Variants in AASDH observed in about 807,000 individuals in gnomAD.
AASDH encodes the protein aminoadipate-semialdehyde dehydrogenase, also known as beta-alanine-activating enzyme.
Under a neutral mutation model 102.3 loss-of-function variants are expected in AASDH, and 81 were observed. That is an observed-to-expected ratio of 0.79 (90% CI 0.66 to 0.95). The LOEUF is 0.95. AASDH is among the 40% of genes least tolerant of loss of function. The probability of loss-of-function intolerance (pLI) is 0.00; values close to 1 mark genes in which losing one functional copy is unlikely to be tolerated. For missense variants in AASDH, 1,203 were observed against 1,266.2 expected, an observed-to-expected ratio of 0.95 and a Z score of 0.76; for synonymous variants, 398 against 454.0, an observed-to-expected ratio of 0.88 and a Z score of 1.57.
At chr4:56,355,466 C>A (rs761950531) in intron 5 of AASDH, 43 bp from the exon 6 acceptor site, 5 of 1,558,458 alleles carry the variant, frequency 3.2e-6, no homozygotes, top group South Asian at 1.2e-5. Flanking sequence ...TCCTTCACTT[C>A]TTTAAAAAGG....
intron 5 of AASDH, among the ~76,000 whole-genome samples, chr4:56,370,615 G>A (rs915220961): frequency 6.6e-6 from 1 of 152,082 alleles, no homozygotes; most frequent in African/African-American, 2.4e-5. Flanking sequence ...CCTCGTGAGA[G>A]ATCAAATCTC....
intron 1 of AASDH, among the ~76,000 whole-genome samples, chr4:56,384,912 A>G (rs1753378115): frequency 6.6e-6 from 1 of 152,062 alleles, no homozygotes; most frequent in Non-Finnish European, 1.5e-5. Flanking sequence ...TGTCTCTACT[A>G]AAAATACAAA....
intron 4 of AASDH, among the ~76,000 whole-genome samples, chr4:56,377,109 C>T (rs921715914): frequency 1.5e-5 from 2 of 132,088 alleles, no homozygotes; most frequent in Non-Finnish European, 1.6e-5. Context: ...ATAAAATTAA[C>T]TTCACTTGAT....
intron 14 of AASDH, among the ~76,000 whole-genome samples, chr4:56,340,701 C>T (rs1316883576): frequency 1.3e-5 from 2 of 152,270 alleles, no homozygotes; most frequent in East Asian, 1.9e-4. Flanking sequence ...AGCTAAAAAG[C>T]TTCTGCACAG....
rs771061806 is a variant in AASDH, at chr4:56,338,522, A to ACTT, written c.3174_3176dup (p.Gln1058_Ser1059insArg). 1.1e-5 allele frequency: 17 copies of ACTT among 1,613,920 alleles called. No individual in the cohort carries two copies. Among genetic ancestry groups the ACTT allele is most frequent in the East Asian group, 2.2e-5 (1 of 44,868 alleles). ...AGACTTCTCCAGGAAGTTCATAAAC[A>ACTT]CTTTGCAATTGTCCACTCTGAGATT... On this transcript the variant is annotated inframe_insertion, in exon 15 of 15. Coordinates refer to ENST00000205214, the MANE Select transcript of AASDH (RefSeq NM_181806.4).
At chr4:56,341,800 G>A (rs1747726848) in intron 14 of AASDH, among the ~76,000 whole-genome samples, 1 of 152,004 alleles carries the variant, frequency 6.6e-6, no homozygotes, top group African/African-American at 2.4e-5. Context: ...TGATCTCAGG[G>A]AGGAAGAAAA....
At chr4:56,345,817 C>T (rs778422063) in intron 11 of AASDH, among the ~76,000 whole-genome samples, 8 of 152,188 alleles carry the variant, frequency 5.3e-5, no homozygotes, top group Non-Finnish European at 1.0e-4. Context: ...ATGTGTCAGG[C>T]GTTATTCTAA....
At chr4:56,339,482 G>A (rs567658586) in intron 14 of AASDH, among the ~76,000 whole-genome samples, 10 of 152,268 alleles carry the variant, frequency 6.6e-5, no homozygotes, top group Non-Finnish European at 1.3e-4. Flanking sequence ...CAGGCGTGGT[G>A]TTTCATGCCT....
At chr4:56,350,947 A>G (rs1748926792) in intron 10 of AASDH, among the ~76,000 whole-genome samples, 1 of 152,210 alleles carries the variant, frequency 6.6e-6, no homozygotes, top group Non-Finnish European at 1.5e-5. Context: ...TGTTACTGAA[A>G]GTTCTTTTAG....
At chr4:56,339,250 T>G (rs1269554986) in intron 14 of AASDH, among the ~76,000 whole-genome samples, 1 of 151,982 alleles carries the variant, frequency 6.6e-6, no homozygotes, top group African/African-American at 2.4e-5. Flanking sequence ...GCTTGCCAGG[T>G]TGAAGCGCTT....
In AASDH at chr4:56,375,105, G is replaced by A. The variant is rs191997385; in HGVS notation, c.668+3043C>T. Among the ~76,000 whole-genome samples the A allele has an allele frequency of 2.6e-3, 393 of 151,162 alleles. 3 individuals are homozygous for A. Among genetic ancestry groups the A allele is most frequent in the African/African-American group, 9.1e-3 (376 of 41,122 alleles). ...TTTTTTTTTTTTAAGACAGAGTCTC[G>A]CTCTGTCACCCAAGCTGGAGTGCAG... On this transcript the variant is annotated intron_variant, in intron 4 of 14. Coordinates refer to ENST00000205214, the MANE Select transcript of AASDH (RefSeq NM_181806.4).
intron 4 of AASDH, among the ~76,000 whole-genome samples, chr4:56,373,531 G>C (rs1274902091): frequency 1.3e-5 from 2 of 152,118 alleles, no homozygotes; most frequent in Non-Finnish European, 2.9e-5. Context: ...AAGAAGGGCA[G>C]GAAAAGGTCA....
chr4:56,341,339 A>G (rs911345782), intron 14 of AASDH, among the ~76,000 whole-genome samples: 1 of 151,420 alleles, frequency 6.6e-6, no homozygotes, highest in African/African-American at 2.4e-5. Flanking sequence ...CATAAAAACC[A>G]AGGAAATCAT....
chr4:56,344,141 T>C (rs1748049656), intron 12 of AASDH, among the ~76,000 whole-genome samples: 1 of 152,216 alleles, frequency 6.6e-6, no homozygotes, highest in Non-Finnish European at 1.5e-5. Context: ...ATAAACAACT[T>C]AGAAATAGGC....
At position 56,349,739 on chromosome 4, in the gene AASDH, C is replaced by A; in HGVS notation, c.2012G>T (p.Cys671Phe). 1 of 1,614,196 alleles carries A rather than the reference C, an allele frequency of 6.2e-7. No homozygotes were observed. Among genetic ancestry groups the A allele is most frequent in the East Asian group, 2.2e-5 (1 of 44,884 alleles). ...LHQKAIMTFT[C>F]HNEINAFVVL... ...AACAAAAGCATTAATCTCATTGTGG[C>A]AAGTGAAAGTCATGATGGCTTTCTG... The change falls in exon 11 of 15, where the codon TGC becomes TTC. Residue 671 changes from cysteine to phenylalanine, a missense_variant. Physicochemically the swap from Cys to Phe is radical, Grantham distance 205. Coordinates refer to ENST00000205214, the MANE Select transcript of AASDH (RefSeq NM_181806.4).
intron 2 of AASDH, 116 bp from the exon 3 acceptor site, chr4:56,382,713 C>T (rs1377050008): frequency 1.4e-5 from 17 of 1,199,514 alleles, no homozygotes; most frequent in African/African-American, 4.8e-5. Context: ...AAATGGTTTC[C>T]GGAGCACTTT....
intron 4 of AASDH, among the ~76,000 whole-genome samples, chr4:56,371,887 T>C (rs781007207): frequency 2.0e-5 from 3 of 152,236 alleles, no homozygotes; most frequent in Non-Finnish European, 2.9e-5. Context: ...GTGATGACTT[T>C]TGATGTGTCA....
chr4:56,378,499 G>A, intron 3 of AASDH, 35 bp from the exon 4 acceptor site: 4 of 1,467,122 alleles, frequency 2.7e-6, no homozygotes, highest in East Asian at 4.6e-5. Flanking sequence ...TACAGTATTA[G>A]TATGTTAAAA....
At chr4:56,371,843 A>T (rs1461320841) in intron 4 of AASDH, among the ~76,000 whole-genome samples, 200 bp from the exon 5 acceptor site, 1 of 152,204 alleles carries the variant, frequency 6.6e-6, no homozygotes, top group African/African-American at 2.4e-5. Context: ...ATTTAAAGCA[A>T]TATCCACGTT....
Sources: allele counts gnomAD v4.1 joint callset (sites outside exome capture counted in the v4.1 genomes callset), GRCh38; gene constraint gnomAD v4.1.1; transcripts MANE v1.5; gene names NCBI Gene and HGNC (gene_info 2026-07-23, HGNC 2026-07-21).